The following ACOX3 variants were observed in gnomAD, a reference collection of about 807,000 sequenced individuals.
The protein encoded by ACOX3 is acyl-CoA oxidase 3, pristanoyl, also known as peroxisomal acyl-coenzyme A oxidase 3.
ACOX3 carries 73 observed loss-of-function variants against 81.5 expected under a neutral mutation model. The observed-to-expected ratio is 0.90, with a 90% CI of 0.74 to 1.09. The LOEUF is 1.09. Among genes scored for constraint, ACOX3 ranks in the 50% least tolerant of loss-of-function variants. The pLI, the probability that ACOX3 is intolerant of heterozygous loss-of-function variation, is 0.00. For synonymous variants in ACOX3, 387 were observed against 375.1 expected, an observed-to-expected ratio of 1.03 and a Z score of -0.37; for missense variants, 947 against 928.0, an observed-to-expected ratio of 1.02 and a Z score of -0.27.
At chr4:8,428,455 C>A (rs925101472) in intron 1 of ACOX3, 16 of 152,554 alleles carry the variant, frequency 1.0e-4, no homozygotes, top group African/African-American at 3.4e-4. Flanking sequence ...CACTGCTCCC[C>A]CGCCACGCCT....
chr4:8,399,634 C>T lies in ACOX3; in HGVS notation c.795G>A (p.Lys265=), dbSNP rs918271947. ...GAAGGCTCTGGCGAGGAACTCTGAC[C>T]TTGTGGAACATGGCGAAACTGTGGG... ...GLDNGFAMFH[K]VRVPRQSLLN... Residue 265 remains lysine (K), a synonymous_variant, in exon 8 of 18, where the codon AAG becomes AAA. Coordinates refer to ENST00000356406, the MANE Select transcript of ACOX3 (RefSeq NM_003501.3). The surrounding 1 kb of genome is among the most constrained non-coding windows in gnomAD (Gnocchi z 4.9). 1.2e-6 allele frequency: 2 copies of T among 1,614,200 alleles called. No homozygotes were observed. Among genetic ancestry groups the T allele is most frequent in the Admixed American group, 1.7e-5 (1 of 60,028 alleles).
At position 8,381,365 on chromosome 4, in the gene ACOX3, T is replaced by A. The variant is rs1387348551; in HGVS notation, c.1653+127A>T. ...CAAGCAGCAAAGTCATCAAGTCATC[T>A]GCCCAAGGTCACGGGAGCTCGGGGT... is the stretch of plus-strand genomic sequence containing the variant. On this transcript the variant is annotated intron_variant, in intron 14 of 17. Transcript: ENST00000356406. This position sits in a 1 kb window ranked among gnomAD's most constrained non-coding sequence, Gnocchi z 4.3. The A allele has an allele frequency of 1.3e-6, 1 of 751,454 alleles. No homozygotes were observed. Among genetic ancestry groups the A allele is most frequent in the Non-Finnish European group, 2.2e-6 (1 of 449,990 alleles). 46.5% of individuals were successfully genotyped at this position (751,454 alleles called of 1,614,324 possible).
At chr4:8,404,673 C>T (rs1720736923) in intron 7 of ACOX3, among the ~76,000 whole-genome samples, 1 of 152,106 alleles carries the variant, frequency 6.6e-6, no homozygotes, top group South Asian at 2.1e-4. Context: ...CGCTCAGATG[C>T]CCACTGGCCC....
At position 8,437,462 on chromosome 4, in the gene ACOX3, G is replaced by C. The variant is rs1724322106; in HGVS notation, c.-15+3186C>G. ...TCAGAAGAAAATGGGAGAGACAGCA[G>C]TGCGCGGGGGCAGGGCCTGTGCCAC... On this transcript the variant is annotated intron_variant, in intron 1 of 17. Transcript: ENST00000356406. The surrounding 1 kb of genome is among the most constrained non-coding windows in gnomAD (Gnocchi z 5.2). Among the ~76,000 whole-genome samples, 1 of 152,220 alleles carries C rather than the reference G, an allele frequency of 6.6e-6. No homozygotes were observed. The highest frequency in any genetic ancestry group is 6.5e-5 in the Admixed American group (1 of 15,286).
In ACOX3 at chr4:8,370,929, C is replaced by A. The variant is rs757529325; in HGVS notation, c.1962G>T (p.Pro654=). 2 of 1,613,866 alleles carry A rather than the reference C, an allele frequency of 1.2e-6. No individual in the cohort carries two copies. Among genetic ancestry groups the A allele is most frequent in the Non-Finnish European group, 1.7e-6 (2 of 1,180,010 alleles). Residue 654 remains proline (P), a synonymous_variant, in exon 17 of 18, where the codon CCG becomes CCT. Transcript: ENST00000356406. This position sits in a 1 kb window ranked among gnomAD's most constrained non-coding sequence, Gnocchi z 6.3. ...IAPPDFVLDS[P]IGRADGELYK... ...TTACCTCGCCGTCGGCTCTGCCAATCGGTGAGTCCAGAACAAAGTCAGGAG... is the reference window on the plus strand; with the variant it reads ...TTACCTCGCCGTCGGCTCTGCCAATAGGTGAGTCCAGAACAAAGTCAGGAG...
At chr4:8,427,928 G>A (rs1723659891) in intron 1 of ACOX3, among the ~76,000 whole-genome samples, 1 of 152,172 alleles carries the variant, frequency 6.6e-6, no homozygotes, top group South Asian at 2.1e-4. Flanking sequence ...TACTGTCTGA[G>A]GCTACTGTCA....
intron 9 of ACOX3, among the ~76,000 whole-genome samples, chr4:8,396,480 C>A (rs574203741): frequency 6.6e-6 from 1 of 152,058 alleles, no homozygotes; most frequent in East Asian, 1.9e-4. Context: ...AGTTCGAGAC[C>A]GGCCTGGCCA....
chr4:8,373,500 G>A lies in ACOX3; in HGVS notation c.1896+61C>T, dbSNP rs979829394. 1.3e-5 allele frequency: 21 copies of A among 1,562,884 alleles called. No individual in the cohort carries two copies. In the Admixed American group the frequency reaches 1.9e-4, roughly 14 times the overall value. The stretch of plus-strand genomic sequence containing the variant: ...GGTCTGGGTGATGCTAAGGGGATGC[G>A]TGTCGCTCTGGGCGGTTGTGTAACA... On this transcript the variant is annotated intron_variant, in intron 16 of 17. Transcript: ENST00000356406.
Position 8,389,844 on chromosome 4 carries a change from C to T in ACOX3, c.1301-110G>A. ...AAGAGGCTGGGTGCGGTGGCTCACA[C>T]CTGTAATGGCAGCACTTTGGGGGGC... On this transcript the variant is annotated intron_variant, in intron 11 of 17. Coordinates refer to ENST00000356406, the MANE Select transcript of ACOX3 (RefSeq NM_003501.3). This position sits in a 1 kb window ranked among gnomAD's most constrained non-coding sequence, Gnocchi z 5.3. 9 of 1,433,456 alleles carry T rather than the reference C, an allele frequency of 6.3e-6. No homozygotes were observed. Among genetic ancestry groups the T allele is most frequent in the Non-Finnish European group, 8.6e-6 (9 of 1,052,338 alleles). The allele number at this position is 1,433,456 out of a possible 1,614,324, so 88.8% of individuals were successfully genotyped here. A position where few individuals can be genotyped will look rare whatever the true frequency, so the allele number is the denominator to read the frequency against.
intron 1 of ACOX3, among the ~76,000 whole-genome samples, chr4:8,418,915 C>T (rs1328645433): frequency 6.6e-6 from 1 of 152,164 alleles, no homozygotes; most frequent in East Asian, 1.9e-4. Context: ...AAAATATGGT[C>T]AACATCATTA....
At chr4:8,434,496 G>A (rs567589242) in intron 1 of ACOX3, among the ~76,000 whole-genome samples, 9 of 152,354 alleles carry the variant, frequency 5.9e-5, no homozygotes, top group African/African-American at 1.2e-4. Flanking sequence ...GCCAGCTTGC[G>A]CGATGCAGAT....
rs955562409 is a variant in ACOX3, at chr4:8,400,740, C to A, written c.777-1088G>T. Among the ~76,000 whole-genome samples, 14 of 152,134 alleles carry A rather than the reference C, an allele frequency of 9.2e-5. No homozygotes were observed. Among genetic ancestry groups the A allele is most frequent in the African/African-American group, 2.9e-4 (12 of 41,434 alleles). ...TAGCAACTTGTCTGATTCCTAAGTT[C>A]ACTTGCAATGCCTTAGGGCAGCAGT... On this transcript the variant is annotated intron_variant, in intron 7 of 17. Transcript: ENST00000356406. The surrounding 1 kb of genome is among the most constrained non-coding windows in gnomAD (Gnocchi z 4.4).
At position 8,397,070 on chromosome 4, in the gene ACOX3, C is replaced by T. The variant is rs1039399302; in HGVS notation, c.923G>A (p.Arg308Gln). 3.8e-5 allele frequency: 61 copies of T among 1,598,392 alleles called. No individual in the cohort carries two copies. Among genetic ancestry groups the T allele is most frequent in the Admixed American group, 8.9e-5 (5 of 56,442 alleles). ...GATGGCCAGGCTCACGATGGAGACC[C>T]GGCCCGAGGACAGGCTCCCCAGGGA... ...GASLGSLSSG[R>Q]VSIVSLAILN... is the part of the protein sequence containing the mutation. Residue 308 changes from arginine to glutamine, a missense_variant, in exon 9 of 18, where the codon CGG becomes CAG. Transcript: ENST00000356406.
intron 16 of ACOX3, among the ~76,000 whole-genome samples, chr4:8,372,097 T>C (rs1420455620): frequency 1.3e-5 from 2 of 152,206 alleles, no homozygotes; most frequent in Non-Finnish European, 2.9e-5. Flanking sequence ...GGGAAATCAG[T>C]TGTGGCTGTC....
chr4:8,357,293 G>A, the ACOX3 span: 1 of 456,186 alleles, frequency 2.2e-6, no homozygotes, highest in Non-Finnish European at 4.4e-6. Context: ...GGAATGCAGG[G>A]AGGACTCTGG....
chr4:8,394,887 A>G lies in ACOX3; in HGVS notation c.1057-145T>C, dbSNP rs1719512545. 2.6e-6 allele frequency: 3 copies of G among 1,135,810 alleles called. No individual in the cohort carries two copies. In the Middle Eastern group the frequency reaches 9.2e-4, roughly 349 times the overall value. 70.4% of individuals were successfully genotyped at this position (1,135,810 alleles called of 1,614,324 possible). ...GAAGGTCTTCACATGTCTTCCCGGC[A>G]CATCAGAAAGCCTTCACCCTGACAC... On this transcript the variant is annotated intron_variant, in intron 9 of 17. Coordinates refer to ENST00000356406, the MANE Select transcript of ACOX3 (RefSeq NM_003501.3). The surrounding 1 kb of genome is among the most constrained non-coding windows in gnomAD (Gnocchi z 5.9).
At chr4:8,440,522 T>G in intron 1 of ACOX3, 126 bp downstream of exon 1, 1 of 314,648 alleles carries the variant, frequency 3.2e-6, no homozygotes, top group Non-Finnish European at 5.8e-6. Context: ...CTCCCTGACT[T>G]TTATCGGTAA....
intron 6 of ACOX3, among the ~76,000 whole-genome samples, chr4:8,409,187 G>A (rs1010160009): frequency 1.7e-4 from 26 of 152,214 alleles, no homozygotes; most frequent in African/African-American, 6.0e-4. Context: ...AGAAAAAAAC[G>A]TAAAACTGGA....
Position 8,414,831 on chromosome 4 carries a change from A to G in ACOX3, c.453+23T>C, listed in dbSNP as rs768132412. 2 of 1,607,874 alleles carry G rather than the reference A, an allele frequency of 1.2e-6. No individual in the cohort carries two copies. Among genetic ancestry groups the G allele is most frequent in the Non-Finnish European group, 1.7e-6 (2 of 1,174,232 alleles). ...ATCAAGCAAGAGAACCAGGCTCACA[A>G]TTTACCATGAACCAGAACTTACCTC... On this transcript the variant is annotated intron_variant, in intron 4 of 17. Coordinates refer to ENST00000356406, the MANE Select transcript of ACOX3 (RefSeq NM_003501.3). This position sits in a 1 kb window ranked among gnomAD's most constrained non-coding sequence, Gnocchi z 6.1.
Sources: gnomAD v4.1 joint callset for allele counts (sites outside exome capture counted in the v4.1 genomes callset) on GRCh38, gnomAD v4.1.1 for gene constraint, Gnocchi (gnomAD v3.1) non-coding constraint, MANE v1.5 for transcripts, NCBI Gene and HGNC (gene_info 2026-07-23, HGNC 2026-07-21) for gene names.